CCSER1: variants seen among roughly 807,000 people sequenced by gnomAD.
The protein encoded by CCSER1 is serine-rich coiled-coil domain-containing protein 1.
In CCSER1, 41 loss-of-function variants were observed where a neutral mutation model predicts 82.0. The ratio of observed to expected loss-of-function variants is 0.50; its 90% CI spans 0.39 to 0.65. The LOEUF is 0.65. CCSER1 is among the 30% of genes least tolerant of loss of function. The pLI is 0.00. For synonymous variants in CCSER1, 414 were observed against 383.9 expected (o/e 1.08, Z -0.92); for missense variants, 1,119 against 1,064.2 (o/e 1.05, Z -0.72).
At chr4:91,055,978 C>T (rs1743409554) in intron 9 of CCSER1, among the ~76,000 whole-genome samples, 1 of 152,002 alleles carries the variant, frequency 6.6e-6, no homozygotes, top group African/African-American at 2.4e-5. Flanking sequence ...TCTTTGGATA[C>T]CTCTTATGCG....
intron 9 of CCSER1, among the ~76,000 whole-genome samples, chr4:91,062,764 T>G (rs1744068365): frequency 6.6e-6 from 1 of 152,086 alleles, no homozygotes; most frequent in African/African-American, 2.4e-5. Flanking sequence ...GATCTCTATC[T>G]TCAATAAAAT....
chr4:90,352,575 T>C (rs932901671), intron 3 of CCSER1, among the ~76,000 whole-genome samples: 7 of 151,360 alleles, frequency 4.6e-5, no homozygotes, highest in Non-Finnish European at 1.0e-4. Flanking sequence ...GGCAGGAGAA[T>C]CACTTGAACC....
At chr4:91,338,011 C>T (rs1193897784) in intron 10 of CCSER1, among the ~76,000 whole-genome samples, 1 of 152,084 alleles carries the variant, frequency 6.6e-6, no homozygotes, top group Non-Finnish European at 1.5e-5. Context: ...ATGCCTTTGT[C>T]CTTCTCTTCT....
Position 90,932,898 on chromosome 4 carries a change from GAGAAAGAAGGAGAAAGAAAGAAAGAA to G in CCSER1, c.2172+9460_2172+9485del, listed in dbSNP as rs1161990778. 7.8e-4 allele frequency among the ~76,000 whole-genome samples: 49 copies of G among 63,216 alleles called. 16 individuals are homozygous for G. Among genetic ancestry groups the G allele is most frequent in the African/African-American group, 1.7e-3 (22 of 12,890 alleles). The allele number at this position is 63,216 out of a possible 152,430, so 41.5% of individuals were successfully genotyped here. A position where few individuals can be genotyped will look rare whatever the true frequency, so the allele number is the denominator to read the frequency against. On this transcript the variant is annotated intron_variant, in intron 9 of 10. Transcript: ENST00000509176. ...GGAAGGAAGGAAAGAAAGAAGGAAGGAGAAAGAAGGAGAAAGAAAGAAAGAAAGAAAGAAAGAAAGAAAGAAAGAAA... is the reference window on the plus strand; with the variant it reads ...GGAAGGAAGGAAAGAAAGAAGGAAGGAGAAAGAAAGAAAGAAAGAAAGAAA...
chr4:91,392,381 A>G (rs1329777617), intron 10 of CCSER1, among the ~76,000 whole-genome samples: 1 of 151,958 alleles, frequency 6.6e-6, no homozygotes, highest in East Asian at 1.9e-4. Flanking sequence ...ACACACACAC[A>G]CACACACACT....
intron 6 of CCSER1, among the ~76,000 whole-genome samples, chr4:90,651,054 T>G (rs566363200): frequency 6.6e-6 from 1 of 152,310 alleles, no homozygotes; most frequent in African/African-American, 2.4e-5. Context: ...AAGACTTGAA[T>G]AATAGTAGAT....
At chr4:90,709,946 G>GTTTT (rs200510091) in intron 6 of CCSER1, among the ~76,000 whole-genome samples, 1,567 of 134,918 alleles carry the variant, frequency 0.012, 18 homozygotes, top group Middle Eastern at 0.024. Flanking sequence ...GCCAGCATCT[G>GTTTT]TTTTTTTTTT....
intron 6 of CCSER1, among the ~76,000 whole-genome samples, chr4:90,631,558 T>C (rs1724440234): frequency 6.6e-6 from 1 of 152,184 alleles, no homozygotes; most frequent in South Asian, 2.1e-4. Flanking sequence ...AAGATTGCTC[T>C]AGGGTTGTGG....
At chr4:91,053,716 T>C (rs1195909212) in intron 9 of CCSER1, among the ~76,000 whole-genome samples, 1 of 152,238 alleles carries the variant, frequency 6.6e-6, no homozygotes, top group African/African-American at 2.4e-5. Context: ...ATTCTATGGA[T>C]AAGTGAGCCT....
rs141081204 is a variant in CCSER1, at chr4:90,148,793, C to T, written c.-42+20962C>T. On this transcript the variant is annotated intron_variant, in intron 1 of 10. Transcript: ENST00000509176. ...TGGCTTTAGCTGACTTATTTTTTTT[C>T]TCTATCTTATTCTGTGGAGCTATCA... Among the ~76,000 whole-genome samples the T allele has an allele frequency of 2.1e-3, 315 of 151,942 alleles. 1 individual carries two copies. Among genetic ancestry groups the T allele is most frequent in the African/African-American group, 7.5e-3 (312 of 41,452 alleles).
intron 4 of CCSER1, among the ~76,000 whole-genome samples, chr4:90,414,945 A>G (rs1330210843): frequency 6.6e-6 from 1 of 152,168 alleles, no homozygotes. Flanking sequence ...CAAAATATTT[A>G]TAACACAGAT....
intron 10 of CCSER1, among the ~76,000 whole-genome samples, chr4:91,397,930 G>T (rs1338007987): frequency 6.6e-6 from 1 of 151,862 alleles, no homozygotes. Context: ...AATCAGGACG[G>T]GCATGGGTAG....
At chr4:90,363,535 A>T (rs1745753767) in intron 3 of CCSER1, among the ~76,000 whole-genome samples, 1 of 152,052 alleles carries the variant, frequency 6.6e-6, no homozygotes, top group Admixed American at 6.6e-5. Flanking sequence ...TTTTATTCTA[A>T]AAAGACTACT....
At chr4:90,149,701 T>G (rs970493840) in intron 1 of CCSER1, among the ~76,000 whole-genome samples, 20 of 152,184 alleles carry the variant, frequency 1.3e-4, no homozygotes, top group African/African-American at 4.8e-4. Context: ...AGGTAGTGTT[T>G]GAAAATCAGA....
intron 10 of CCSER1, among the ~76,000 whole-genome samples, chr4:91,141,146 T>C (rs1400101069): frequency 1.3e-5 from 2 of 150,696 alleles, no homozygotes; most frequent in Non-Finnish European, 2.9e-5. Context: ...AAGGATATGA[T>C]TTCATTCTTT....
chr4:90,608,364 C>A (rs1785010032), intron 5 of CCSER1, among the ~76,000 whole-genome samples: 1 of 152,126 alleles, frequency 6.6e-6, no homozygotes, highest in South Asian at 2.1e-4. Context: ...AGGACCATAC[C>A]TTTCTGATGC....
At chr4:91,583,265 T>C (rs967960125) in intron 10 of CCSER1, among the ~76,000 whole-genome samples, 1 of 151,438 alleles carries the variant, frequency 6.6e-6, no homozygotes, top group East Asian at 1.9e-4. Flanking sequence ...TATAGCAACT[T>C]TAAATCAATT....
At chr4:90,822,461 A>G (rs575130260) in intron 8 of CCSER1, among the ~76,000 whole-genome samples, 62 of 152,054 alleles carry the variant, frequency 4.1e-4, no homozygotes, top group Non-Finnish European at 7.2e-4. Flanking sequence ...GGGCCTGGTG[A>G]CTCACGCCTG....
intron 8 of CCSER1, among the ~76,000 whole-genome samples, chr4:90,816,531 A>C (rs1379591089): frequency 2.0e-5 from 3 of 152,032 alleles, no homozygotes; most frequent in African/African-American, 4.8e-5. Flanking sequence ...TTTGCAATAA[A>C]ATGTGCACTC....
Sources: gnomAD v4.1 joint callset for allele counts (sites outside exome capture counted in the v4.1 genomes callset) on GRCh38, gnomAD v4.1.1 for gene constraint, MANE v1.5 for transcripts, NCBI Gene and HGNC (gene_info 2026-07-23, HGNC 2026-07-21) for gene names.